The following ALDH9A1 variants were observed in gnomAD, a reference collection of about 807,000 sequenced individuals.
The protein encoded by ALDH9A1 is aldehyde dehydrogenase 9 family member A1, also known as 4-trimethylaminobutyraldehyde dehydrogenase.
ALDH9A1 carries 42 observed loss-of-function variants against 56.6 expected under a neutral mutation model. The observed-to-expected ratio is 0.74, with a 90% CI of 0.58 to 0.96. ALDH9A1 has a LOEUF of 0.96. Ranked by LOEUF, ALDH9A1 falls within the 40% of genes least tolerant of loss-of-function variation. ALDH9A1 has a pLI of 0.00. For missense variants in ALDH9A1, 661 were observed against 651.5 expected, an observed-to-expected ratio of 1.01 and a Z score of -0.16; for synonymous variants, 242 against 236.0, an observed-to-expected ratio of 1.03 and a Z score of -0.23.
chr1:165,669,623 G>A (rs1055097478), intron 6 of ALDH9A1, among the ~76,000 whole-genome samples, 173 bp from the exon 7 acceptor site: 2 of 152,014 alleles, frequency 1.3e-5, no homozygotes, highest in African/African-American at 2.4e-5. Context: ...GATCACACAC[G>A]TAATTGTGGA....
Position 165,698,399 on chromosome 1 carries a change from T to C in ALDH9A1, c.160A>G (p.Lys54Glu), listed in dbSNP as rs1451527284. ...VEPADASGTE[K>E]AFEPATGRVI... ...TTACCGGTTGCTGGCTCGAAAGCTT[T>C]CTCGGTACCGGAGGCGTCCGCCGGC... The change falls in exon 1 of 11, where the codon AAA becomes GAA. Residue 54 changes from lysine to glutamate, a missense_variant. Lys to Glu is a moderately conservative substitution (Grantham distance 56). Coordinates refer to ENST00000354775, the MANE Select transcript of ALDH9A1 (RefSeq NM_000696.4). 1.3e-6 allele frequency: 2 copies of C among 1,596,524 alleles called. No individual in the cohort carries two copies. The highest frequency in any genetic ancestry group is 2.7e-5 in the African/African-American group (2 of 73,312).
chr1:165,684,729 T>C (rs1649655724), intron 2 of ALDH9A1, among the ~76,000 whole-genome samples: 1 of 152,174 alleles, frequency 6.6e-6, no homozygotes, highest in Admixed American at 6.5e-5. Context: ...GATATTACAC[T>C]GGCAATAGTG....
intron 6 of ALDH9A1, chr1:165,671,363 A>G: frequency 4.5e-6 from 2 of 439,842 alleles, no homozygotes; most frequent in Non-Finnish European, 9.1e-6. Flanking sequence ...TGAAGTTGAC[A>G]TCTGACGACA....
At chr1:165,676,266 C>A (rs775708141) in intron 6 of ALDH9A1, 19 of 155,216 alleles carry the variant, frequency 1.2e-4, no homozygotes, top group Non-Finnish European at 2.6e-4. Flanking sequence ...CTAAATGGAA[C>A]CAGGGCTTTT....
intron 2 of ALDH9A1, among the ~76,000 whole-genome samples, chr1:165,693,556 C>G (rs1649963557): frequency 6.6e-6 from 1 of 152,130 alleles, no homozygotes; most frequent in African/African-American, 2.4e-5. Flanking sequence ...ATTAAAAAGT[C>G]AGGAAACAAC....
Position 165,662,768 on chromosome 1 carries a change from CT to C in ALDH9A1, c.*281del. On this transcript the variant is annotated 3_prime_UTR_variant, in exon 11 of 11. Transcript: ENST00000354775. ...TGTGGAAGATGTATTATCCTAGTCTCTTTTCCTGTTCTCTAGAAGTATGTTA... is the reference window on the plus strand; with the variant it reads ...TGTGGAAGATGTATTATCCTAGTCTCTTTCCTGTTCTCTAGAAGTATGTTA... The C allele has an allele frequency of 5.3e-6, 2 of 374,634 alleles. No homozygotes were observed. Among genetic ancestry groups the C allele is most frequent in the Non-Finnish European group, 9.9e-6 (2 of 201,664 alleles). The allele number at this position is 374,634 out of a possible 1,614,324, so 23.2% of individuals were successfully genotyped here.
Position 165,680,468 on chromosome 1 carries a change from A to G in ALDH9A1, c.789+19T>C, listed in dbSNP as rs750220071. Reference sequence around the variant, plus strand: ...ATCCAAATGCCATGTGTGTTGACCAATACTGGTTTTGTCCTCACCTTCATG... The same window carrying G: ...ATCCAAATGCCATGTGTGTTGACCAGTACTGGTTTTGTCCTCACCTTCATG... On this transcript the variant is annotated intron_variant, in intron 5 of 10. Coordinates refer to ENST00000354775, the MANE Select transcript of ALDH9A1 (RefSeq NM_000696.4). 3 of 1,612,950 alleles carry G rather than the reference A, an allele frequency of 1.9e-6. No homozygotes were observed. The highest frequency in any genetic ancestry group is 2.5e-6 in the Non-Finnish European group (3 of 1,179,712).
chr1:165,695,264 G>A lies in ALDH9A1; in HGVS notation c.315C>T (p.Ala105=), dbSNP rs770467260. The change falls in exon 2 of 11, where the codon GCC becomes GCT. Residue 105 remains alanine, a synonymous_variant. Transcript: ENST00000354775. ...MERCRILLEA[A]RIIREREDEI... ...AATTGGAACATACCCTTATTATCCTGGCAGCCTCCAAAAGGATTCGGCAAC... is the reference window on the plus strand; with the variant it reads ...AATTGGAACATACCCTTATTATCCTAGCAGCCTCCAAAAGGATTCGGCAAC... The A allele has an allele frequency of 4.3e-5, 69 of 1,608,038 alleles. No individual in the cohort carries two copies. Among genetic ancestry groups the A allele is most frequent in the Non-Finnish European group, 4.2e-5 (49 of 1,177,834 alleles).
At chr1:165,669,550 C>T in intron 6 of ALDH9A1, 100 bp from the exon 7 acceptor site, 1 of 1,040,774 alleles carries the variant, frequency 9.6e-7, no homozygotes, top group Non-Finnish European at 1.3e-6. Flanking sequence ...TGAAAAGAGA[C>T]ACTATACATT....
At chr1:165,669,690 C>T (rs1183798318) in intron 6 of ALDH9A1, among the ~76,000 whole-genome samples, 3 of 151,952 alleles carry the variant, frequency 2.0e-5, no homozygotes, top group African/African-American at 7.3e-5. Context: ...TCTTATTTTG[C>T]TTGTTTAAAT....
chr1:165,670,128 G>A (rs1649129895), intron 6 of ALDH9A1, among the ~76,000 whole-genome samples: 2 of 152,192 alleles, frequency 1.3e-5, no homozygotes, highest in South Asian at 2.1e-4. Flanking sequence ...AAATGTATCA[G>A]GAATCAAAAT....
Position 165,686,646 on chromosome 1 carries a change from C to T in ALDH9A1, c.328-3536G>A, listed in dbSNP as rs183869576. ...GTCAGAAGGGTATTGAATAACATGGCGAAATTTGCTGATCTAAAAGCAAAT... is the reference window on the plus strand; with the variant it reads ...GTCAGAAGGGTATTGAATAACATGGTGAAATTTGCTGATCTAAAAGCAAAT... On this transcript the variant is annotated intron_variant, in intron 2 of 10. Coordinates refer to ENST00000354775, the MANE Select transcript of ALDH9A1 (RefSeq NM_000696.4). Among the ~76,000 whole-genome samples the T allele has an allele frequency of 5.9e-5, 9 of 152,046 alleles. No homozygotes were observed. The South Asian group carries it at 1.2e-3, about 21-fold the overall frequency.
At chr1:165,694,208 T>TAA (rs755415401) in intron 2 of ALDH9A1, among the ~76,000 whole-genome samples, 6 of 114,582 alleles carry the variant, frequency 5.2e-5, no homozygotes, top group East Asian at 5.0e-4. Context: ...AACTTAAGTA[T>TAA]AAAAAAAAAA....
chr1:165,672,933 T>C (rs1331989735), intron 6 of ALDH9A1, among the ~76,000 whole-genome samples: 2 of 147,414 alleles, frequency 1.4e-5, no homozygotes, highest in East Asian at 2.0e-4. Context: ...TAAGATCCTG[T>C]CTCCAAAAAA....
chr1:165,698,242 C>T (rs1650158875), intron 1 of ALDH9A1, 136 bp downstream of exon 1: 4 of 1,397,590 alleles, frequency 2.9e-6, no homozygotes, highest in Non-Finnish European at 3.7e-6. Context: ...GTTGCCTACA[C>T]ACACAACCTT....
chr1:165,671,914 T>C (rs1029920643), intron 6 of ALDH9A1, among the ~76,000 whole-genome samples: 4 of 152,020 alleles, frequency 2.6e-5, no homozygotes, highest in African/African-American at 4.8e-5. Context: ...TCATACCCAA[T>C]AGGATGACTA....
chr1:165,671,688 A>G (rs2050619), intron 6 of ALDH9A1: 106,098 of 456,180 alleles, frequency 0.23, 17,555 homozygotes, highest in East Asian at 0.81. Flanking sequence ...CTCTCTCCCA[A>G]CTGGAAATAT....
Position 165,663,024 on chromosome 1 carries a change from A to C in ALDH9A1, c.*26T>G. 1 of 1,594,982 alleles carries C rather than the reference A, an allele frequency of 6.3e-7. No homozygotes were observed. Among genetic ancestry groups the C allele is most frequent in the African/African-American group, 1.3e-5 (1 of 74,592 alleles). On this transcript the variant is annotated 3_prime_UTR_variant, in exon 11 of 11. Coordinates refer to ENST00000354775, the MANE Select transcript of ALDH9A1 (RefSeq NM_000696.4). ...ATTCACATCATTCCACAGCGTGGCCATGTCAATAGGTTTCACTGCAGGTTT... is the reference window on the plus strand; with the variant it reads ...ATTCACATCATTCCACAGCGTGGCCCTGTCAATAGGTTTCACTGCAGGTTT...
intron 10 of ALDH9A1, among the ~76,000 whole-genome samples, chr1:165,664,512 A>C (rs1648944660): frequency 6.6e-6 from 1 of 152,228 alleles, no homozygotes; most frequent in Admixed American, 6.5e-5. Flanking sequence ...ATATGCCATC[A>C]AGGGTAATGA....
Sources: allele counts gnomAD v4.1 joint callset (sites outside exome capture counted in the v4.1 genomes callset), GRCh38; gene constraint gnomAD v4.1.1; transcripts MANE v1.5; gene names NCBI Gene and HGNC (gene_info 2026-07-23, HGNC 2026-07-21).